The following DUS1L variants were observed in gnomAD, a reference collection of about 807,000 sequenced individuals.
The protein encoded by DUS1L is tRNA-dihydrouridine(16/17) synthase [NAD(P)(+)]-like.
Under a neutral mutation model 61.2 loss-of-function variants are expected in DUS1L, and 56 were observed. The ratio of observed to expected loss-of-function variants is 0.92; its 90% CI spans 0.74 to 1.14. The LOEUF (loss-of-function observed/expected upper bound fraction) is 1.14. Among genes scored for constraint, DUS1L ranks in the 50% most tolerant of loss-of-function variants. The pLI, the probability that DUS1L is intolerant of heterozygous loss-of-function variation, is 0.00. For synonymous variants in DUS1L, 278 were observed against 259.5 expected (o/e 1.07, Z -0.69); for missense variants, 630 against 632.4 (o/e 1.00, Z 0.04).
chr17:82,062,120 C>G, intron 5 of DUS1L, 137 bp from the exon 6 acceptor site: 8 of 741,728 alleles, frequency 1.1e-5, no homozygotes, highest in Non-Finnish European at 1.7e-5. Context: ...GTGCCCCATG[C>G]CCGACTGCAG....
chr17:82,060,532 G>C, intron 10 of DUS1L, 169 bp downstream of exon 10: 1 of 803,524 alleles, frequency 1.2e-6, no homozygotes, highest in Non-Finnish European at 1.9e-6. Context: ...CGAGGGGCAC[G>C]TGGAAGGTGT....
At chr17:82,065,367 T>G in intron 1 of DUS1L, 1 of 349,106 alleles carries the variant, frequency 2.9e-6, no homozygotes, top group Non-Finnish European at 5.2e-6. Context: ...GACGCCAGCG[T>G]CCCCGCGGGC....
Position 82,065,048 on chromosome 17 carries a change from C to G in DUS1L, c.12G>C (p.Leu4=). The change falls in exon 2 of 14, where the codon CTG becomes CTC. Residue 4 remains leucine, a synonymous_variant. Transcript: ENST00000306796. ...TGCGGCTCCAGAACTCGAAGCCCTG[C>G]AGCTTTGGCATCGTCTCCAGGCTGG... MPK[L]QGFEFWSRTL... is the part of the protein sequence containing the mutation. 1 of 1,597,220 alleles carries G rather than the reference C, an allele frequency of 6.3e-7. No individual in the cohort carries two copies. Among genetic ancestry groups the G allele is most frequent in the Non-Finnish European group, 8.5e-7 (1 of 1,170,796 alleles).
At chr17:82,061,762 G>A in intron 6 of DUS1L, 41 bp from the exon 7 acceptor site, 3 of 1,604,232 alleles carry the variant, frequency 1.9e-6, no homozygotes, top group South Asian at 1.1e-5. Flanking sequence ...GCCCGGAACA[G>A]CACCCAGGTG....
In DUS1L at chr17:82,060,601, A is replaced by G. The variant is rs1408218652; in HGVS notation, c.1022+100T>C. 14 of 1,446,888 alleles carry G rather than the reference A, an allele frequency of 9.7e-6. No homozygotes were observed. In the African/African-American group the frequency reaches 1.7e-4, roughly 17 times the overall value. 89.6% of individuals were successfully genotyped at this position (1,446,888 alleles called of 1,614,324 possible). A position where few individuals can be genotyped will look rare whatever the true frequency, so the allele number is the denominator to read the frequency against. ...TCCCTTGGGCAGGAGATGACTGACC[A>G]TAATGGCTGAGGACAAGCAGGGCAG... is the stretch of plus-strand genomic sequence containing the variant. On this transcript the variant is annotated intron_variant, in intron 10 of 13. Transcript: ENST00000306796.
intron 8 of DUS1L, 51 bp from the exon 9 acceptor site, chr17:82,061,012 G>T: frequency 1.9e-6 from 3 of 1,583,580 alleles, no homozygotes; most frequent in Non-Finnish European, 2.6e-6. Flanking sequence ...CCACCGTCAG[G>T]CCCCAGGCTG....
intron 12 of DUS1L, 42 bp from the exon 13 acceptor site, chr17:82,058,458 C>G: frequency 6.8e-7 from 1 of 1,478,164 alleles, no homozygotes; most frequent in Non-Finnish European, 9.0e-7. Context: ...CAGCACCACT[C>G]CCGGGGCCAG....
Position 82,064,903 on chromosome 17 carries a change from C to T in DUS1L, c.157G>A (p.Val53Ile), listed in dbSNP as rs1425729180. Residue 53 changes from valine to isoleucine, a missense_variant, in exon 2 of 14, where the codon GTC (valine) becomes ATC (isoleucine). By Grantham distance (29) the Val-to-Ile change is conservative. Coordinates refer to ENST00000306796, the MANE Select transcript of DUS1L (RefSeq NM_022156.5). ...CGGTAGTTGGCGTCGCGGACAAAGACCTGGGCATGCAGCATGGGCGTGTAG... is the reference window on the plus strand; with the variant it reads ...CGGTAGTTGGCGTCGCGGACAAAGATCTGGGCATGCAGCATGGGCGTGTAG... ...LCYTPMLHAQ[V>I]FVRDANYRKE... 6.2e-7 allele frequency: 1 copy of T among 1,612,756 alleles called. No homozygotes were observed. The highest frequency in any genetic ancestry group is 1.7e-5 in the Admixed American group (1 of 60,022).
At chr17:82,062,019 C>A (rs2033529280) in intron 5 of DUS1L, 36 bp from the exon 6 acceptor site, 2 of 1,531,594 alleles carry the variant, frequency 1.3e-6, no homozygotes, top group African/African-American at 2.7e-5. Context: ...CCCCTCCAAG[C>A]CCCTTCCGCC....
intron 10 of DUS1L, 125 bp downstream of exon 10, chr17:82,060,576 T>G (rs2033433458): frequency 7.9e-7 from 1 of 1,266,468 alleles, no homozygotes; most frequent in African/African-American, 1.5e-5. Context: ...CCTCCTCCTT[T>G]CCCTTGGGCA....
At position 82,058,233 on chromosome 17, in the gene DUS1L, G is replaced by C; in HGVS notation, c.1304C>G (p.Thr435Ser). Reference sequence around the variant, plus strand: ...CCAGGCCAGAGACTTCTCCAATTTGGTTTTAAAAAGCAATCCGTGACCTGG... The same window carrying C: ...CCAGGCCAGAGACTTCTCCAATTTGCTTTTAAAAAGCAATCCGTGACCTGG... ...DCPGHGLLFK[T>S]KLEKSLAWKE... Residue 435 changes from threonine to serine, a missense_variant, in exon 14 of 14, where the codon ACC becomes AGC. By Grantham distance (58) the Thr-to-Ser change is moderately conservative (BLOSUM62 1). Coordinates refer to ENST00000306796, the MANE Select transcript of DUS1L (RefSeq NM_022156.5). 6.3e-7 allele frequency: 1 copy of C among 1,585,126 alleles called. No homozygotes were observed. Among genetic ancestry groups the C allele is most frequent in the Non-Finnish European group, 8.6e-7 (1 of 1,160,212 alleles).
chr17:82,061,691 G>C lies in DUS1L; in HGVS notation c.624C>G (p.Asn208Lys), dbSNP rs368323425. The change falls in exon 7 of 14, where the codon AAC (asparagine) becomes AAG (lysine). Residue 208 changes from asparagine (N) to lysine (K), a missense_variant. Asn to Lys is a moderately conservative substitution (Grantham distance 94, BLOSUM62 0). Coordinates refer to ENST00000306796, the MANE Select transcript of DUS1L (RefSeq NM_022156.5). ...CGTCCTGCAGGCACTGGATGTTCCCGTTAGCAAACACAGGGATGGCCACAG... is the reference window on the plus strand; with the variant it reads ...CGTCCTGCAGGCACTGGATGTTCCCCTTAGCAAACACAGGGATGGCCACAG... ...RKAVAIPVFA[N>K]GNIQCLQDVE... is the part of the protein sequence containing the mutation. 1 of 1,613,044 alleles carries C rather than the reference G, an allele frequency of 6.2e-7. No homozygotes were observed. The highest frequency in any genetic ancestry group is 8.5e-7 in the Non-Finnish European group (1 of 1,179,918).
In DUS1L at chr17:82,061,370, G is replaced by A. The variant is rs574987254; in HGVS notation, c.698-17C>T. The A allele has an allele frequency of 2.0e-5, 31 of 1,558,186 alleles. No individual in the cohort carries two copies. Among genetic ancestry groups the A allele is most frequent in the South Asian group, 8.3e-5 (7 of 84,054 alleles). ...GGTTGCCCTCTGTGGGAGGAGGAGC[G>A]GGGAAGGACACCTCGTGGGTTGCTC... On this transcript the variant is annotated splice_polypyrimidine_tract_variant and intron_variant, in intron 7 of 13. Coordinates refer to ENST00000306796, the MANE Select transcript of DUS1L (RefSeq NM_022156.5).
In DUS1L at chr17:82,060,021, C is replaced by T. The variant is rs763523434; in HGVS notation, c.1095G>A (p.Thr365=). 45 of 1,613,788 alleles carry T rather than the reference C, an allele frequency of 2.8e-5. No individual in the cohort carries two copies. The highest frequency in any genetic ancestry group is 2.2e-4 in the East Asian group (10 of 44,858). ...KRALEEEEGG[T]EVLSKNKQKK... ...TTTGCTTGTTCTTGGACAGGACCTC[C>T]GTGCCACCCTCCTCTTCCTCCAGGG... The change falls in exon 11 of 14, where the codon ACG becomes ACA. Residue 365 remains threonine, a synonymous_variant. Coordinates refer to ENST00000306796, the MANE Select transcript of DUS1L (RefSeq NM_022156.5).
rs745438681 is a variant in DUS1L, at chr17:82,060,874, C to T, written c.930G>A (p.Leu310=). The change falls in exon 9 of 14, where the codon CTG becomes CTA. Residue 310 remains leucine, a synonymous_variant. Transcript: ENST00000306796. ...CAGCCCCAGCACCTGCCTGACACCG[C>T]AGCTTCAGCTCCTGGCTCACAGCAG... ...GIAAVSQELK[L]RCQEEISRQE... 3.1e-6 allele frequency: 5 copies of T among 1,612,118 alleles called. No individual in the cohort carries two copies. The highest frequency in any genetic ancestry group is 2.5e-6 in the Non-Finnish European group (3 of 1,179,892).
intron 3 of DUS1L, 89 bp from the exon 4 acceptor site, chr17:82,063,607 C>A: frequency 6.5e-7 from 1 of 1,533,976 alleles, no homozygotes; most frequent in Non-Finnish European, 8.9e-7. Context: ...TTTCCTGCAT[C>A]CACGCAGGCC....
chr17:82,058,971 C>A (rs1462139336), intron 11 of DUS1L, 153 bp from the exon 12 acceptor site: 5 of 684,242 alleles, frequency 7.3e-6, no homozygotes, highest in Non-Finnish European at 1.3e-5. Context: ...AGGATGCAGG[C>A]TGGCCACGTC....
rs1417449474 is a variant in DUS1L, at chr17:82,064,828, C to G, written c.232G>C (p.Val78Leu). The change falls in exon 2 of 14, where the codon GTG (valine) becomes CTG (leucine). Residue 78 changes from valine to leucine, a missense_variant. By Grantham distance (32) the Val-to-Leu change is conservative (BLOSUM62 1). Transcript: ENST00000306796. ...CCACAGCCCCTCCTGCGCACCTGCA[C>G]GATGAGGGGCCGGTCCTCGGGGCAC... ...EVCPEDRPLI[V>L]QFCANDPEVF... 1.2e-6 allele frequency: 2 copies of G among 1,608,240 alleles called. No homozygotes were observed. Among genetic ancestry groups the G allele is most frequent in the East Asian group, 4.5e-5 (2 of 44,866 alleles).
Position 82,061,713 on chromosome 17 carries a change from A to G in DUS1L, c.602T>C (p.Val201Ala). The G allele has an allele frequency of 6.2e-7, 1 of 1,612,808 alleles. No homozygotes were observed. Among genetic ancestry groups the G allele is most frequent in the Non-Finnish European group, 8.5e-7 (1 of 1,179,818 alleles). ...CCCGTTAGCAAACACAGGGATGGCC[A>G]CAGCCTTCCTGTTGGCAGAGAAATG... ...WEHIKAVRKA[V>A]AIPVFANGNI... is the part of the protein sequence containing the mutation. The change falls in exon 7 of 14, where the codon GTG becomes GCG. Residue 201 changes from valine to alanine, a missense_variant. Transcript: ENST00000306796.
Sources: gnomAD v4.1 joint callset for allele counts on GRCh38, gnomAD v4.1.1 for gene constraint, MANE v1.5 for transcripts, NCBI Gene and HGNC (gene_info 2026-07-23, HGNC 2026-07-21) for gene names.